The following SOX5 variants were observed in gnomAD, a reference collection of about 807,000 sequenced individuals.
The protein encoded by SOX5 is SRY-box transcription factor 5, also known as transcription factor SOX-5.
Under a neutral mutation model 92.0 loss-of-function variants are expected in SOX5, and 9 were observed. That is an observed-to-expected ratio of 0.10 (90% CI 0.06 to 0.17). The LOEUF is 0.17. Ranked by LOEUF, SOX5 falls within the 10% of genes least tolerant of loss-of-function variation. The pLI, the probability that SOX5 is intolerant of heterozygous loss-of-function variation, is 1.00. For missense variants in SOX5, 642 were observed against 944.5 expected, an observed-to-expected ratio of 0.68 and a Z score of 4.20; for synonymous variants, 344 against 336.3, an observed-to-expected ratio of 1.02 and a Z score of -0.25.
intron 4 of SOX5, among the ~76,000 whole-genome samples, chr12:24,179,148 G>A (rs1271298455): frequency 6.6e-6 from 1 of 152,132 alleles, no homozygotes; most frequent in Admixed American, 6.5e-5. Context: ...TAAACTGTGA[G>A]CTAAATAAAC....
chr12:24,500,854 T>C (rs762470495), intron 1 of SOX5, among the ~76,000 whole-genome samples: 3 of 152,158 alleles, frequency 2.0e-5, no homozygotes, highest in African/African-American at 4.8e-5. Context: ...AAGACAATAA[T>C]AAAGCTATAA....
At chr12:23,582,594 C>A (rs1391449129) in intron 9 of SOX5, among the ~76,000 whole-genome samples, 1 of 152,046 alleles carries the variant, frequency 6.6e-6, no homozygotes, top group East Asian at 1.9e-4. Context: ...TTACAAATTG[C>A]AAAATGCCTT....
intron 1 of SOX5, among the ~76,000 whole-genome samples, chr12:24,541,197 C>A (rs1405088019): frequency 6.6e-6 from 1 of 152,140 alleles, no homozygotes; most frequent in Non-Finnish European, 1.5e-5. Flanking sequence ...TCATGCTGCA[C>A]CAGAACACTA....
chr12:24,388,742 G>A, intron 1 of SOX5, among the ~76,000 whole-genome samples: 1 of 152,056 alleles, frequency 6.6e-6, no homozygotes, highest in East Asian at 1.9e-4. Flanking sequence ...GAAACTCCAT[G>A]CCCCATCAGC....
At chr12:24,307,926 G>A (rs1441011408) in intron 2 of SOX5, among the ~76,000 whole-genome samples, 1 of 152,052 alleles carries the variant, frequency 6.6e-6, no homozygotes, top group African/African-American at 2.4e-5. Flanking sequence ...CACCAGGAAT[G>A]TCAGGAGACC....
chr12:24,318,826 C>T (rs579556), intron 2 of SOX5, among the ~76,000 whole-genome samples: 21,089 of 152,186 alleles, frequency 0.14, 1,636 homozygotes, highest in Non-Finnish European at 0.17. Context: ...ATTGGTAATA[C>T]TGAGCCTTCA....
chr12:24,127,393 T>A (rs1949207579), intron 4 of SOX5, among the ~76,000 whole-genome samples: 1 of 115,954 alleles, frequency 8.6e-6, no homozygotes, highest in Non-Finnish European at 1.9e-5. Flanking sequence ...CCTATCTCAA[T>A]AATAATAATA....
intron 1 of SOX5, among the ~76,000 whole-genome samples, chr12:24,526,590 A>G (rs1950731225): frequency 6.6e-6 from 1 of 152,120 alleles, no homozygotes; most frequent in South Asian, 2.1e-4. Context: ...CAGATGGGAG[A>G]GGAAGTATAA....
chr12:23,717,757 G>A (rs1454251684), intron 6 of SOX5, among the ~76,000 whole-genome samples: 1 of 152,198 alleles, frequency 6.6e-6, no homozygotes, highest in Admixed American at 6.5e-5. Context: ...GAGAAGGGAT[G>A]AGTACTAATA....
In SOX5 at chr12:23,651,765, C is replaced by G. The variant is rs551827034; in HGVS notation, c.932-10868G>C. 4.6e-5 allele frequency among the ~76,000 whole-genome samples: 7 copies of G among 151,844 alleles called. No homozygotes were observed. The East Asian group carries it at 1.4e-3, about 29-fold the overall frequency. On this transcript the variant is annotated intron_variant, in intron 7 of 14. Coordinates refer to ENST00000451604, the MANE Select transcript of SOX5 (RefSeq NM_006940.6). ...GCGAGAAGCCTATGAGCTGAAATGC[C>G]TGGCATAGAGTAGATGCTCAATTAA...
intron 4 of SOX5, among the ~76,000 whole-genome samples, chr12:24,022,524 T>G (rs1342797906): frequency 1.3e-5 from 2 of 152,128 alleles, no homozygotes; most frequent in Admixed American, 1.3e-4. Context: ...CAATCAGAAT[T>G]GTGTAGCCAT....
At chr12:24,107,519 C>G (rs1194055840) in intron 4 of SOX5, among the ~76,000 whole-genome samples, 2 of 152,126 alleles carry the variant, frequency 1.3e-5, no homozygotes, top group Admixed American at 6.5e-5. Flanking sequence ...TTAAAGTGGA[C>G]AAAGCCAGGG....
chr12:23,955,272 G>A (rs915238545), upstream of SOX5, among the ~76,000 whole-genome samples: 23 of 152,082 alleles, frequency 1.5e-4, no homozygotes, highest in Admixed American at 3.3e-4. Context: ...GATGAGCAAT[G>A]ACTGTCCCAC....
At chr12:23,714,214 A>C (rs1417608072) in intron 6 of SOX5, among the ~76,000 whole-genome samples, 1 of 152,192 alleles carries the variant, frequency 6.6e-6, no homozygotes. Context: ...TTTTCTTCTA[A>C]ATAGTTATCT....
chr12:24,122,651 A>C (rs1202730253), intron 4 of SOX5, among the ~76,000 whole-genome samples: 1 of 152,186 alleles, frequency 6.6e-6, no homozygotes, highest in Non-Finnish European at 1.5e-5. Context: ...CTATTTAAAA[A>C]ACAGTTGTAG....
intron 4 of SOX5, among the ~76,000 whole-genome samples, chr12:24,157,941 T>C (rs1565553359): frequency 6.6e-6 from 1 of 152,070 alleles, no homozygotes; most frequent in South Asian, 2.1e-4. Flanking sequence ...AATAAGGTAG[T>C]ATATAGGATT....
intron 1 of SOX5, among the ~76,000 whole-genome samples, chr12:24,454,183 C>A (rs142325849): frequency 6.6e-6 from 1 of 152,256 alleles, no homozygotes; most frequent in African/African-American, 2.4e-5. Context: ...ATTGAAAAAG[C>A]GTGCTCTGTC....
At chr12:23,831,956 C>CCACACA (rs1568152842) in intron 3 of SOX5, among the ~76,000 whole-genome samples, 1 of 8,626 alleles carries the variant, frequency 1.2e-4, no homozygotes, top group African/African-American at 4.2e-4. Context: ...GAAAGGGGAA[C>CCACACA]TACACACACA....
chr12:24,379,873 A>ATTT (rs762985814), intron 1 of SOX5, among the ~76,000 whole-genome samples: 2 of 46,422 alleles, frequency 4.3e-5, no homozygotes, highest in Non-Finnish European at 5.1e-5. Context: ...CTTCCAGAAG[A>ATTT]TTCTTTTTTT....
Sources: allele counts gnomAD v4.1 joint callset (sites outside exome capture counted in the v4.1 genomes callset), GRCh38; gene constraint gnomAD v4.1.1; transcripts MANE v1.5; gene names NCBI Gene and HGNC (gene_info 2026-07-23, HGNC 2026-07-21).